Variants in SMAD4 observed in about 807,000 individuals in gnomAD.
SMAD4 encodes the protein SMAD family member 4.
In SMAD4, 7 loss-of-function variants were observed where a neutral mutation model predicts 63.2. The ratio of observed to expected loss-of-function variants is 0.11; its 90% CI spans 0.06 to 0.21. The LOEUF is 0.21. Among genes scored for constraint, SMAD4 ranks in the 10% least tolerant of loss-of-function variants. The pLI is 1.00. For synonymous variants in SMAD4, 215 were observed against 235.4 expected (o/e 0.91, Z 0.79); for missense variants, 312 against 693.8 (o/e 0.45, Z 6.18).
chr18:51,036,327 A>G (rs932749380), intron 1 of SMAD4, among the ~76,000 whole-genome samples: 1 of 152,200 alleles, frequency 6.6e-6, no homozygotes, highest in East Asian at 1.9e-4. Context: ...GTCAAAATGT[A>G]TTTCTAAATA....
intron 10 of SMAD4, among the ~76,000 whole-genome samples, chr18:51,075,325 A>G (rs1000257327): frequency 1.3e-5 from 2 of 152,228 alleles, no homozygotes; most frequent in African/African-American, 4.8e-5. Context: ...ATTGTTTATC[A>G]TCAACTAAAA....
chr18:51,044,518 G>A (rs1205647816), intron 1 of SMAD4, among the ~76,000 whole-genome samples: 3 of 151,956 alleles, frequency 2.0e-5, no homozygotes, highest in Admixed American at 6.6e-5. Context: ...TCAGCTCCCC[G>A]CGTAGCTAGG....
At position 51,058,351 on chromosome 18, in the gene SMAD4, A is replaced by G. The variant is rs1064793728; in HGVS notation, c.799A>G (p.Thr267Ala). Residue 267 changes from threonine (T) to alanine (A), a missense_variant, in exon 7 of 12, where the codon ACC (threonine) becomes GCC (alanine). Transcript: ENST00000342988. ...PATYHHNSTT[T>A]WTGSRTAPYT... ...GCCTTAATTTTTAGACAGCACTACC[A>G]CCTGGACTGGAAGTAGGACTGCACC... The G allele has an allele frequency of 6.2e-7, 1 of 1,614,136 alleles. No individual in the cohort carries two copies. The highest frequency in any genetic ancestry group is 2.2e-5 in the East Asian group (1 of 44,890).
In SMAD4 at chr18:51,064,732, G is replaced by C. The variant is rs899715104; in HGVS notation, c.956-691G>C. 1.3e-5 allele frequency among the ~76,000 whole-genome samples: 2 copies of C among 152,264 alleles called. 1 individual carries two copies. Reference sequence around the variant, plus strand: ...ATACATCTCCAAAGTTAAAATTGTGGTAGTTAACATGACCTGACTTCACTA... The same window carrying C: ...ATACATCTCCAAAGTTAAAATTGTGCTAGTTAACATGACCTGACTTCACTA... On this transcript the variant is annotated intron_variant, in intron 8 of 11. Transcript: ENST00000342988.
chr18:51,042,215 C>T (rs1256993598), intron 1 of SMAD4, among the ~76,000 whole-genome samples: 1 of 151,862 alleles, frequency 6.6e-6, no homozygotes, highest in Non-Finnish European at 1.5e-5. Context: ...TAGCCCAGAA[C>T]CTAACTCTAT....
intron 10 of SMAD4, 135 bp from the exon 11 acceptor site, chr18:51,076,503 A>C: frequency 1.3e-6 from 1 of 760,338 alleles, no homozygotes; most frequent in Non-Finnish European, 2.2e-6. Flanking sequence ...TGTACATAAA[A>C]GTTTACATGT....
chr18:51,062,750 T>G (rs1347888737), intron 8 of SMAD4, among the ~76,000 whole-genome samples: 1 of 150,202 alleles, frequency 6.7e-6, no homozygotes, highest in Non-Finnish European at 1.5e-5. Context: ...CTCTGCCCCA[T>G]CGGCTCCCAA....
chr18:51,058,661 T>C (rs1210107407), intron 7 of SMAD4, among the ~76,000 whole-genome samples: 2 of 152,240 alleles, frequency 1.3e-5, no homozygotes, highest in African/African-American at 4.8e-5. Context: ...GTTTGCTAAA[T>C]ACATTTATTT....
At chr18:51,038,766 G>A (rs771377067) in intron 1 of SMAD4, among the ~76,000 whole-genome samples, 1 of 151,764 alleles carries the variant, frequency 6.6e-6, no homozygotes, top group Non-Finnish European at 1.5e-5. Flanking sequence ...TAACGTAATG[G>A]GTTTATTATT....
chr18:51,080,492 A>T lies in SMAD4; in HGVS notation c.*2025A>T, dbSNP rs1260540399. The T allele has an allele frequency of 1.3e-5, 3 of 222,986 alleles. No homozygotes were observed. Among genetic ancestry groups the T allele is most frequent in the Non-Finnish European group, 1.8e-5 (2 of 111,696 alleles). The allele number at this position is 222,986 out of a possible 1,614,324, so 13.8% of individuals were successfully genotyped here. ...GTGAGTTTTAGAATAACAGATTTTT[A>T]AAAATCCAGATGATTTGATTAAAAC... On this transcript the variant is annotated 3_prime_UTR_variant, in exon 12 of 12. Transcript: ENST00000342988.
intron 10 of SMAD4, among the ~76,000 whole-genome samples, chr18:51,069,718 G>C (rs1910265978): frequency 6.6e-6 from 1 of 152,156 alleles, no homozygotes. Flanking sequence ...ACTTTTCCCT[G>C]CCGTGGGCAA....
rs968486287 is a variant in SMAD4, at chr18:51,041,807, T to C, written c.-127-5113T>C. On this transcript the variant is annotated intron_variant, in intron 1 of 11. Transcript: ENST00000342988. Reference sequence around the variant, plus strand: ...GTTGATCTGTGATGAATGTGTATTATATCCTAAGCAGAAAATAAGCTTTTG... The same window carrying C: ...GTTGATCTGTGATGAATGTGTATTACATCCTAAGCAGAAAATAAGCTTTTG... Among the ~76,000 whole-genome samples, 11 of 152,362 alleles carry C rather than the reference T, an allele frequency of 7.2e-5. No individual in the cohort carries two copies. In the East Asian group the frequency reaches 1.7e-3, roughly 24 times the overall value.
intron 1 of SMAD4, among the ~76,000 whole-genome samples, chr18:51,038,256 G>GC (rs889634702): frequency 6.6e-6 from 1 of 150,492 alleles, no homozygotes; most frequent in African/African-American, 2.4e-5. Flanking sequence ...GACTGTGGGG[G>GC]GGGGGGCAGT....
intron 1 of SMAD4, among the ~76,000 whole-genome samples, chr18:51,041,439 T>C (rs1219410309): frequency 2.6e-5 from 4 of 152,240 alleles, no homozygotes; most frequent in African/African-American, 7.2e-5. Context: ...GCATTGGCAC[T>C]GTTGACATTT....
chr18:51,074,059 A>G (rs1910407398), intron 10 of SMAD4, among the ~76,000 whole-genome samples: 1 of 152,080 alleles, frequency 6.6e-6, no homozygotes. Context: ...ACAATAAAAT[A>G]ATGCAACAAT....
chr18:51,043,223 G>A lies in SMAD4; in HGVS notation c.-127-3697G>A, dbSNP rs540882899. 2.6e-3 allele frequency among the ~76,000 whole-genome samples: 392 copies of A among 152,324 alleles called. 2 individuals carry two copies. Among genetic ancestry groups the A allele is most frequent in the Non-Finnish European group, 3.0e-3 (207 of 68,028 alleles). On this transcript the variant is annotated intron_variant, in intron 1 of 11. Transcript: ENST00000342988. ...TGGGATGTTGGTCTGAGAGAGTCCA[G>A]ACCCACTTTCTTACTATGGGCTTCC...
chr18:51,046,865 G>C (rs1909557648), intron 1 of SMAD4, 55 bp from the exon 2 acceptor site: 8 of 598,910 alleles, frequency 1.3e-5, no homozygotes, highest in Non-Finnish European at 2.3e-5. Context: ...CAAGTAGTCA[G>C]ATCTACTTCG....
At chr18:51,057,679 A>G (rs1909880236) in intron 5 of SMAD4, among the ~76,000 whole-genome samples, 2 of 152,214 alleles carry the variant, frequency 1.3e-5, no homozygotes, top group African/African-American at 2.4e-5. Context: ...GCATTCTGCC[A>G]TTACTAGTAT....
rs371193569 is a variant in SMAD4 at position 51,055,047 on chromosome 18, T to C, written c.667+54T>C. 642 of 1,283,368 alleles carry C rather than the reference T, an allele frequency of 5.0e-4. 3 individuals are homozygous for C. The African/African-American group carries it at 8.5e-3, about 17-fold the overall frequency. 79.5% of individuals were successfully genotyped at this position (1,283,368 alleles called of 1,614,324 possible). A position where few individuals can be genotyped will look rare whatever the true frequency, so the allele number is the denominator to read the frequency against. On this transcript the variant is annotated intron_variant, in intron 5 of 11. Transcript: ENST00000342988. ...AAGTTGAGTTTTCCTAATCATTGCTTATTTATGTGTAGTCACTTGGGGGGA... is the reference window on the plus strand; with the variant it reads ...AAGTTGAGTTTTCCTAATCATTGCTCATTTATGTGTAGTCACTTGGGGGGA...
Sources: allele counts gnomAD v4.1 joint callset (sites outside exome capture counted in the v4.1 genomes callset), GRCh38; gene constraint gnomAD v4.1.1; transcripts MANE v1.5; gene names NCBI Gene and HGNC (gene_info 2026-07-23, HGNC 2026-07-21).